Variants in MACF1 observed in about 807,000 individuals in gnomAD.
MACF1 encodes microtubule-actin cross-linking factor 1.
In MACF1, 193 loss-of-function variants were observed where a neutral mutation model predicts 854.8. That is an observed-to-expected ratio of 0.23 (90% CI 0.20 to 0.25). The LOEUF (loss-of-function observed/expected upper bound fraction) is 0.25. Among genes scored for constraint, MACF1 ranks in the 10% least tolerant of loss-of-function variants. MACF1 has a pLI of 1.00. For synonymous variants in MACF1, 3,185 were observed against 3,226.7 expected, an observed-to-expected ratio of 0.99 and a Z score of 0.44; for missense variants, 7,722 against 8,929.1, an observed-to-expected ratio of 0.86 and a Z score of 5.45.
At chr1:39,454,523 G>A (rs1482191258) in intron 88 of MACF1, among the ~76,000 whole-genome samples, 3 of 152,292 alleles carry the variant, frequency 2.0e-5, no homozygotes, top group East Asian at 1.9e-4. Flanking sequence ...TGTGTTGGCC[G>A]GGAGCAGTGG....
chr1:39,448,570 T>C (rs1254077092), intron 83 of MACF1, 24 bp from the exon 84 acceptor site: 4 of 1,468,652 alleles, frequency 2.7e-6, no homozygotes, highest in Non-Finnish European at 1.8e-6. Context: ...TTAACACTTT[T>C]TTCTTTTCTT....
intron 2 of MACF1, among the ~76,000 whole-genome samples, chr1:39,175,874 G>A (rs192676694): frequency 6.8e-6 from 1 of 147,476 alleles, no homozygotes; most frequent in East Asian, 2.0e-4. Context: ...AAGGAGGGTG[G>A]ATCACAAGGT....
intron 1 of MACF1, among the ~76,000 whole-genome samples, chr1:39,224,199 C>T (rs755335449): frequency 1.4e-4 from 21 of 152,030 alleles, no homozygotes; most frequent in Non-Finnish European, 2.6e-4. Flanking sequence ...CCCATACACA[C>T]ATGACACAAA....
At chr1:39,432,458 C>A in intron 66 of MACF1, 77 bp from the exon 67 acceptor site, 1 of 1,373,746 alleles carries the variant, frequency 7.3e-7, no homozygotes, top group Non-Finnish European at 1.0e-6. Context: ...CCAGGCCTTG[C>A]TTTGTTGAAT....
chr1:39,220,035 G>A (rs764976953), intron 1 of MACF1, among the ~76,000 whole-genome samples: 1 of 152,044 alleles, frequency 6.6e-6, no homozygotes, highest in Non-Finnish European at 1.5e-5. Flanking sequence ...GCAGGCGTGA[G>A]AGCCACAGTG....
At chr1:39,302,887 T>A (rs1341120083) in intron 22 of MACF1, 37 bp from the exon 23 acceptor site, 3 of 1,581,808 alleles carry the variant, frequency 1.9e-6, no homozygotes, top group Non-Finnish European at 2.6e-6. Context: ...GTTGTTGGTT[T>A]ATCCATTAGC....
rs554845975 is a variant in MACF1 at position 39,086,824 on chromosome 1, G to A, written c.220+2386G>A. ...GATGGTGGGTGCTGCGCTGTGCTGT[G>A]TTTCTGGCATAGATGCTGATCTCCT... On this transcript the variant is annotated intron_variant, in intron 2 of 93. Coordinates refer to the MACF1 transcript ENST00000361689. 2.0e-5 allele frequency among the ~76,000 whole-genome samples: 3 copies of A among 152,314 alleles called. No individual in the cohort carries two copies. The East Asian group carries it at 5.8e-4, about 29-fold the overall frequency.
chr1:39,324,276 A>G lies in MACF1; in HGVS notation c.4320A>G (p.Thr1440=). ...LGWVSTLARN[T]QGKATSSETK... ...GGGTGTCTACCCTAGCGAGGAATAC[A>G]CAAGGAAAAGCTACCTCATCCGAGA... Residue 1440 remains threonine (T), a synonymous_variant, in exon 34 of 101, where the codon ACA becomes ACG. Transcript: ENST00000564288. 1 of 1,614,048 alleles carries G rather than the reference A, an allele frequency of 6.2e-7. No homozygotes were observed.
chr1:39,120,332 G>A (rs1642667853), intron 2 of MACF1, among the ~76,000 whole-genome samples: 1 of 152,060 alleles, frequency 6.6e-6, no homozygotes, highest in Non-Finnish European at 1.5e-5. Flanking sequence ...CTGTTATCAT[G>A]TAACATATTT....
intron 2 of MACF1, chr1:39,121,163 G>A (rs1022313322): frequency 6.6e-6 from 1 of 152,186 alleles, no homozygotes; most frequent in Non-Finnish European, 1.5e-5. Context: ...GAATGAATTG[G>A]AAATGTTAAG....
chr1:39,224,905 C>G (rs1644695616), intron 1 of MACF1, among the ~76,000 whole-genome samples: 1 of 152,138 alleles, frequency 6.6e-6, no homozygotes, highest in Non-Finnish European at 1.5e-5. Flanking sequence ...TCTAATTAGG[C>G]CGGATACAGT....
At chr1:39,430,976 C>A in intron 66 of MACF1, 68 bp downstream of exon 66, 2 of 1,366,036 alleles carry the variant, frequency 1.5e-6, no homozygotes, top group South Asian at 1.2e-5. Flanking sequence ...AGTACTATGA[C>A]CCACATAAAT....
rs1220281127 is a variant in MACF1 at position 39,333,233 on chromosome 1, T to C, written c.6645T>C (p.Ser2215=). ...KTLGIKLELK[S]ETDGNVHPLD... is the part of the protein sequence containing the mutation. ...TAGGTATAAAGTTAGAACTAAAGTCTGAAACTGATGGGAATGTTCATCCTC... is the reference window on the plus strand; with the variant it reads ...TAGGTATAAAGTTAGAACTAAAGTCCGAAACTGATGGGAATGTTCATCCTC... The change falls in exon 37 of 101, where the codon TCT becomes TCC. Residue 2215 remains serine, a synonymous_variant. Transcript: ENST00000564288. 5.0e-6 allele frequency: 8 copies of C among 1,613,192 alleles called. No individual in the cohort carries two copies. The highest frequency in any genetic ancestry group is 5.9e-6 in the Non-Finnish European group (7 of 1,179,872).
At chr1:39,467,330 A>G (rs757827916) in intron 95 of MACF1, among the ~76,000 whole-genome samples, 9 of 152,124 alleles carry the variant, frequency 5.9e-5, no homozygotes, top group Non-Finnish European at 1.3e-4. Context: ...GCGCCACTGC[A>G]CTCCAGCCTA....
chr1:39,217,482 C>G (rs1644590957), intron 1 of MACF1, among the ~76,000 whole-genome samples: 1 of 151,792 alleles, frequency 6.6e-6, no homozygotes, highest in South Asian at 2.1e-4. Context: ...GCCATGTTGC[C>G]TTGGCTGGTC....
Position 39,442,436 on chromosome 1 carries a change from G to A in MACF1, c.18973G>A (p.Ala6325Thr). 1 of 1,614,052 alleles carries A rather than the reference G, an allele frequency of 6.2e-7. No homozygotes were observed. Among genetic ancestry groups the A allele is most frequent in the Non-Finnish European group, 8.5e-7 (1 of 1,180,000 alleles). ...GCACAAACTAGAAGGGGCTCTGTTG[G>A]CCCTTGGTCAGTTCCAGCATGCCTT... is the stretch of plus-strand genomic sequence containing the variant. ...RQHKLEGALL[A>T]LGQFQHALEE... The change falls in exon 77 of 101, where the codon GCC becomes ACC. Residue 6325 changes from alanine to threonine, a missense_variant. Physicochemically the swap from Ala to Thr is moderately conservative, Grantham distance 58. Around this residue, in one of 15 missense-constraint regions of MACF1, gnomAD observed 2,807 missense variants for 3,235.8 expected, o/e 0.87. Coordinates refer to ENST00000564288, the MANE Select transcript of MACF1 (RefSeq NM_001394062.1).
chr1:39,441,766 C>A (rs994132638), intron 74 of MACF1, among the ~76,000 whole-genome samples, 186 bp from the exon 75 acceptor site: 9 of 152,100 alleles, frequency 5.9e-5, no homozygotes, highest in East Asian at 1.9e-4. Context: ...AATGTTGGCT[C>A]CATTATTAAA....
chr1:39,085,537 T>G (rs1641649699), intron 2 of MACF1, among the ~76,000 whole-genome samples: 1 of 152,192 alleles, frequency 6.6e-6, no homozygotes, highest in African/African-American at 2.4e-5. Context: ...ATTTAATAGC[T>G]CTTCCTCTCT....
chr1:39,238,396 C>T (rs1293172620), intron 2 of MACF1, among the ~76,000 whole-genome samples: 1 of 152,206 alleles, frequency 6.6e-6, no homozygotes, highest in African/African-American at 2.4e-5. Context: ...TATTATAGAA[C>T]TTAGCACACC....
Sources: gnomAD v4.1 joint callset for allele counts (sites outside exome capture counted in the v4.1 genomes callset) on GRCh38, gnomAD v4.1.1 for gene constraint, gnomAD v4.1.1 regional missense constraint, MANE v1.5 for transcripts, NCBI Gene and HGNC (gene_info 2026-07-23, HGNC 2026-07-21) for gene names.